Variants in LCOR observed in about 807,000 individuals in gnomAD.
LCOR encodes ligand dependent nuclear receptor corepressor, also known as ligand-dependent corepressor.
In LCOR, 14 loss-of-function variants were observed where a neutral mutation model predicts 64.4. The observed-to-expected ratio is 0.22, with a 90% CI of 0.14 to 0.34. LCOR has a LOEUF of 0.34. Among genes scored for constraint, LCOR ranks in the 10% least tolerant of loss-of-function variants. The pLI, the probability that LCOR is intolerant of heterozygous loss-of-function variation, is 1.00. For synonymous variants in LCOR, 643 were observed against 642.5 expected, an observed-to-expected ratio of 1.00 and a Z score of -0.01; for missense variants, 1,686 against 1,765.3, an observed-to-expected ratio of 0.96 and a Z score of 0.80.
At chr10:96,946,604 T>G (rs979628191) in intron 5 of LCOR, among the ~76,000 whole-genome samples, 1 of 152,110 alleles carries the variant, frequency 6.6e-6, no homozygotes, top group Non-Finnish European at 1.5e-5. Flanking sequence ...TGTGTTCCCC[T>G]GGGTGTGGAT....
At chr10:96,910,235 A>G (rs180964219) in intron 4 of LCOR, among the ~76,000 whole-genome samples, 1,563 of 151,850 alleles carry the variant, frequency 0.01, 9 homozygotes, top group Non-Finnish European at 0.016. Flanking sequence ...AGATAGAGAA[A>G]GTCATGAAAT....
chr10:96,892,364 T>G (rs1225596832), intron 2 of LCOR, among the ~76,000 whole-genome samples: 2 of 152,192 alleles, frequency 1.3e-5, no homozygotes, highest in Non-Finnish European at 2.9e-5. Context: ...TAGTTTTGTC[T>G]TAATGCCTTT....
At chr10:96,920,510 G>A (rs1046419083) in intron 4 of LCOR, among the ~76,000 whole-genome samples, 16 of 126,472 alleles carry the variant, frequency 1.3e-4, no homozygotes, top group South Asian at 2.5e-4. Context: ...ATATATGTAT[G>A]TATATTCAGA....
At position 96,992,086 on chromosome 10, in the gene LCOR, C is replaced by T. The variant is rs1848205709; in HGVS notation, c.*6952C>T. On this transcript the variant is annotated 3_prime_UTR_variant, in exon 8 of 8. Coordinates refer to ENST00000421806, the MANE Select transcript of LCOR (RefSeq NM_001346516.2). Reference sequence around the variant, plus strand: ...GCTAATTTTTGGGAAAGAGACTATACCAACAAGATTTGCATAATTTTTTAT... The same window carrying T: ...GCTAATTTTTGGGAAAGAGACTATATCAACAAGATTTGCATAATTTTTTAT... The T allele has an allele frequency of 2.0e-5, 3 of 152,068 alleles. No homozygotes were observed. Among genetic ancestry groups the T allele is most frequent in the Admixed American group, 2.0e-4 (3 of 15,272 alleles). 9.4% of individuals were successfully genotyped at this position (152,068 alleles called of 1,614,324 possible). A position where few individuals can be genotyped will look rare whatever the true frequency, so the allele number is the denominator to read the frequency against.
chr10:96,902,959 G>A (rs758260666), intron 2 of LCOR, among the ~76,000 whole-genome samples: 3 of 152,132 alleles, frequency 2.0e-5, no homozygotes, highest in Non-Finnish European at 4.4e-5. Flanking sequence ...AGGCTATTTG[G>A]TATAGCCTGT....
rs1848191291 is a variant in LCOR, at chr10:96,990,561, A to G, written c.*5427A>G. The G allele has an allele frequency of 6.6e-6, 1 of 152,194 alleles. No homozygotes were observed. 9.4% of individuals were successfully genotyped at this position (152,194 alleles called of 1,614,324 possible). A position where few individuals can be genotyped will look rare whatever the true frequency, so the allele number is the denominator to read the frequency against. Reference sequence around the variant, plus strand: ...CTTGAGGATCCAGTCTCTTTCCTTTATAGATAATTAGACTCAGGCAGAAAC... The same window carrying G: ...CTTGAGGATCCAGTCTCTTTCCTTTGTAGATAATTAGACTCAGGCAGAAAC... On this transcript the variant is annotated 3_prime_UTR_variant, in exon 8 of 8. Coordinates refer to ENST00000421806, the MANE Select transcript of LCOR (RefSeq NM_001346516.2).
At chr10:96,911,910 T>A (rs1208657016) in intron 4 of LCOR, among the ~76,000 whole-genome samples, 2 of 152,192 alleles carry the variant, frequency 1.3e-5, no homozygotes, top group African/African-American at 4.8e-5. Flanking sequence ...TGTGTACTGC[T>A]TATTCATGAG....
chr10:96,847,415 T>C (rs1845649397), intron 2 of LCOR, among the ~76,000 whole-genome samples: 1 of 135,540 alleles, frequency 7.4e-6, no homozygotes, highest in African/African-American at 2.7e-5. Flanking sequence ...ATTTTATTTA[T>C]TTATTTATTT....
chr10:96,909,180 C>T (rs893211479), intron 4 of LCOR, among the ~76,000 whole-genome samples: 14 of 152,248 alleles, frequency 9.2e-5, no homozygotes, highest in African/African-American at 3.1e-4. Context: ...CCTCCCAACC[C>T]TCACCCCTCA....
intron 2 of LCOR, among the ~76,000 whole-genome samples, chr10:96,879,443 C>T (rs1846223880): frequency 6.6e-6 from 1 of 152,136 alleles, no homozygotes; most frequent in South Asian, 2.1e-4. Context: ...TATTCCAAGC[C>T]ATCTCCACAC....
In LCOR at chr10:96,980,410, C is replaced by T. The variant is rs181037589; in HGVS notation, c.333-383C>T. ...GATAAAAATGATTTTTGAATGATTA[C>T]TTTTAACGTATGAAGAATATCGTCA... On this transcript the variant is annotated intron_variant, in intron 7 of 7. Coordinates refer to ENST00000421806, the MANE Select transcript of LCOR (RefSeq NM_001346516.2). Among the ~76,000 whole-genome samples the T allele has an allele frequency of 7.3e-3, 1,115 of 152,256 alleles. 11 individuals are homozygous for T. The highest frequency in any genetic ancestry group is 0.017 in the Admixed American group (262 of 15,288).
chr10:96,854,085 C>T (rs1386839784), intron 2 of LCOR, among the ~76,000 whole-genome samples: 1 of 152,178 alleles, frequency 6.6e-6, no homozygotes, highest in Non-Finnish European at 1.5e-5. Context: ...ATCACCCTGG[C>T]ATGACAGAAA....
In LCOR at chr10:96,989,074, T is replaced by C. The variant is rs999435928; in HGVS notation, c.*3940T>C. ...CCTTTTCTCTCTGTTCTTCTTTACT[T>C]CTCATTTTCCTTGTCTCCATTTTTT... On this transcript the variant is annotated 3_prime_UTR_variant, in exon 8 of 8. Transcript: ENST00000421806. The C allele has an allele frequency of 1.3e-5, 2 of 152,232 alleles. No individual in the cohort carries two copies. Among genetic ancestry groups the C allele is most frequent in the African/African-American group, 4.8e-5 (2 of 41,448 alleles). The allele number at this position is 152,232 out of a possible 1,614,324, so 9.4% of individuals were successfully genotyped here. A position where few individuals can be genotyped will look rare whatever the true frequency, so the allele number is the denominator to read the frequency against.
intron 1 of LCOR, chr10:96,833,006 TC>T: frequency 1.0e-6 from 1 of 983,886 alleles, no homozygotes; most frequent in Non-Finnish European, 1.2e-6. Context: ...GCTGTCACAG[TC>T]CCCGGGTGCG....
intron 7 of LCOR, among the ~76,000 whole-genome samples, chr10:96,964,955 A>C (rs972341940): frequency 7.2e-5 from 11 of 152,096 alleles, no homozygotes; most frequent in Non-Finnish European, 1.6e-4. Context: ...GTTCGCTGAT[A>C]ATTCCTTTTA....
At chr10:96,969,687 G>T (rs915702000) in intron 7 of LCOR, among the ~76,000 whole-genome samples, 41 of 151,518 alleles carry the variant, frequency 2.7e-4, no homozygotes, top group Non-Finnish European at 1.6e-4. Context: ...TCAATTAGGG[G>T]TTGTGTGGAT....
Position 96,984,685 on chromosome 10 carries a change from G to A in LCOR, c.4225G>A (p.Asp1409Asn). The change falls in exon 8 of 8, where the codon GAT becomes AAT. Residue 1409 changes from aspartate to asparagine, a missense_variant. Transcript: ENST00000421806. Reference protein sequence around the residue: ...RKRTEGSSPPDSKNKGPTVKA... With the variant: ...RKRTEGSSPPNSKNKGPTVKA... ...GAGAACAGAAGGCAGCAGCCCTCCA[G>A]ATAGTAAGAACAAGGGGCCTACGGT... 1 of 1,614,148 alleles carries A rather than the reference G, an allele frequency of 6.2e-7. No individual in the cohort carries two copies. The highest frequency in any genetic ancestry group is 2.2e-5 in the East Asian group (1 of 44,886).
chr10:96,983,054 C>G lies in LCOR; in HGVS notation c.2594C>G (p.Thr865Arg). ...RSKKEGHPGG[T>R]TPKGLLPDSF... is the part of the protein sequence containing the mutation. ...AAAAAAGAAGGGCACCCTGGTGGGA[C>G]AACACCTAAGGGCCTTCTACCTGAC... Residue 865 changes from threonine (T) to arginine (R), a missense_variant, in exon 8 of 8, where the codon ACA becomes AGA. Transcript: ENST00000421806. This position sits in a 1 kb window ranked among gnomAD's most constrained non-coding sequence, Gnocchi z 4.5. The G allele has an allele frequency of 6.2e-7, 1 of 1,613,992 alleles. No individual in the cohort carries two copies. Among genetic ancestry groups the G allele is most frequent in the South Asian group, 1.1e-5 (1 of 91,080 alleles).
At position 96,949,223 on chromosome 10, in the gene LCOR, C is replaced by G. The variant is rs1847636442; in HGVS notation, c.166C>G (p.Leu56Val). ...ATTQNPVLSK[L>V]LMADQDSPLD... ...TACTCAGAACCCTGTGCTCAGCAAA[C>G]TTCTCATGGCTGACCAAGACTCACC... Residue 56 changes from leucine to valine, a missense_variant, in exon 6 of 8, where the codon CTT becomes GTT. Physicochemically the swap from Leu to Val is conservative, Grantham distance 32. Transcript: ENST00000421806. 2 of 1,614,008 alleles carry G rather than the reference C, an allele frequency of 1.2e-6. No individual in the cohort carries two copies. Among genetic ancestry groups the G allele is most frequent in the Admixed American group, 1.7e-5 (1 of 60,000 alleles).
Sources: gnomAD v4.1 joint callset for allele counts (sites outside exome capture counted in the v4.1 genomes callset) on GRCh38, gnomAD v4.1.1 for gene constraint, Gnocchi (gnomAD v3.1) non-coding constraint, MANE v1.5 for transcripts, NCBI Gene and HGNC (gene_info 2026-07-23, HGNC 2026-07-21) for gene names.